ARL5A: variants seen among roughly 807,000 people sequenced by gnomAD.
The protein encoded by ARL5A is ADP-ribosylation factor-like protein 5A.
ARL5A carries 18 observed loss-of-function variants against 25.9 expected under a neutral mutation model. The ratio of observed to expected loss-of-function variants is 0.69; its 90% confidence interval spans 0.48 to 1.03. The LOEUF (loss-of-function observed/expected upper bound fraction) is 1.03. Among genes scored for constraint, ARL5A ranks in the 50% least tolerant of loss-of-function variants. The probability of loss-of-function intolerance (pLI) is 0.00; values close to 1 mark genes in which losing one functional copy is unlikely to be tolerated. For missense variants in ARL5A, 170 were observed against 211.9 expected (o/e 0.80, Z 1.23); for synonymous variants, 61 against 67.5 (o/e 0.90, Z 0.47).
intron 4 of ARL5A, among the ~76,000 whole-genome samples, chr2:151,809,693 T>C (rs912977718): frequency 1.7e-4 from 26 of 152,220 alleles, no homozygotes; most frequent in Non-Finnish European, 4.4e-5. Context: ...TAGTCTAAGA[T>C]ATATTTTAGT....
chr2:151,821,889 G>A (rs950438480), intron 1 of ARL5A, among the ~76,000 whole-genome samples: 22 of 148,130 alleles, frequency 1.5e-4, no homozygotes, highest in South Asian at 6.4e-4. Flanking sequence ...TCGCCCTGTC[G>A]CCCAGGCTGG....
chr2:151,826,725 T>C (rs1044878834), intron 1 of ARL5A, among the ~76,000 whole-genome samples: 2 of 152,210 alleles, frequency 1.3e-5, no homozygotes, highest in Non-Finnish European at 1.5e-5. Context: ...GCTCCACAGA[T>C]CCCTGGTGTT....
At chr2:151,809,718 G>T (rs934382405) in intron 4 of ARL5A, among the ~76,000 whole-genome samples, 3 of 152,192 alleles carry the variant, frequency 2.0e-5, no homozygotes, top group African/African-American at 7.2e-5. Flanking sequence ...TCAAGGAGAT[G>T]AATAACAGCA....
Position 151,799,031 on chromosome 2 carries a change from G to A in ARL5A, c.*4245C>T, listed in dbSNP as rs767099857. On this transcript the variant is annotated 3_prime_UTR_variant, in exon 6 of 6. Transcript: ENST00000295087. ...ATCCTGGAACATTTCTTCACAATCT[G>A]ACAGGACTTTAGGGTTAACTAGAAA... 1.3e-5 allele frequency: 2 copies of A among 152,174 alleles called. No individual in the cohort carries two copies. Among genetic ancestry groups the A allele is most frequent in the African/African-American group, 2.4e-5 (1 of 41,446 alleles). 9.4% of individuals were successfully genotyped at this position (152,174 alleles called of 1,614,324 possible). A position where few individuals can be genotyped will look rare whatever the true frequency, so the allele number is the denominator to read the frequency against.
At chr2:151,812,962 T>G (rs1357839837) in intron 3 of ARL5A, among the ~76,000 whole-genome samples, 1 of 152,160 alleles carries the variant, frequency 6.6e-6, no homozygotes, top group East Asian at 1.9e-4. Flanking sequence ...GCCTGCTACC[T>G]GCAAGCACAA....
At chr2:151,806,566 C>A (rs2099830143) in intron 5 of ARL5A, among the ~76,000 whole-genome samples, 1 of 152,140 alleles carries the variant, frequency 6.6e-6, no homozygotes, top group South Asian at 2.1e-4. Context: ...ACTCCCATTT[C>A]TCTGAGCTCC....
chr2:151,818,964 G>C (rs1226995667), intron 1 of ARL5A, among the ~76,000 whole-genome samples: 1 of 151,856 alleles, frequency 6.6e-6, no homozygotes, highest in Admixed American at 6.6e-5. Context: ...ATTAGCTACG[G>C]GGCAGAATTT....
At chr2:151,807,974 C>T (rs917457306) in intron 4 of ARL5A, among the ~76,000 whole-genome samples, 3 of 152,088 alleles carry the variant, frequency 2.0e-5, no homozygotes, top group African/African-American at 7.2e-5. Flanking sequence ...CTCTTCCTGC[C>T]CCACTCCTCT....
chr2:151,822,066 T>C (rs1441294124), intron 1 of ARL5A, among the ~76,000 whole-genome samples: 3 of 152,066 alleles, frequency 2.0e-5, no homozygotes, highest in Non-Finnish European at 4.4e-5. Context: ...GCCAGGCTGG[T>C]CTTGAACTCC....
At chr2:151,824,503 T>TAATAAC (rs534560146) in intron 1 of ARL5A, among the ~76,000 whole-genome samples, 207 of 152,052 alleles carry the variant, frequency 1.4e-3, no homozygotes, top group African/African-American at 4.7e-3. Context: ...ATAATAATAA[T>TAATAAC]AACAACAATA....
intron 2 of ARL5A, 95 bp from the exon 3 acceptor site, chr2:151,814,411 T>C: frequency 1.1e-6 from 1 of 939,616 alleles, no homozygotes; most frequent in South Asian, 2.0e-5. Flanking sequence ...GACCTCCTTT[T>C]ATAATTTATA....
chr2:151,823,100 A>G (rs907023382), intron 1 of ARL5A, among the ~76,000 whole-genome samples: 1 of 152,218 alleles, frequency 6.6e-6, no homozygotes, highest in Non-Finnish European at 1.5e-5. Flanking sequence ...TTTTTACCTC[A>G]TATCTGAACT....
In ARL5A at chr2:151,828,198, C is replaced by CT. The variant is rs576668357; in HGVS notation, c.-23_-22insA. Reference sequence around the variant, plus strand: ...CCATTCTCGGGCAGCGGACCCCCCCCCTCCAGACACCCGGGCCGCCTGGCT... The same window carrying CT: ...CCATTCTCGGGCAGCGGACCCCCCCCTCTCCAGACACCCGGGCCGCCTGGCT... On this transcript the variant is annotated 5_prime_UTR_variant, in exon 1 of 6. Coordinates refer to ENST00000295087, the MANE Select transcript of ARL5A (RefSeq NM_012097.4). 226 of 1,600,428 alleles carry CT rather than the reference C, an allele frequency of 1.4e-4. 1 individual carries two copies. The highest frequency in any genetic ancestry group is 1.7e-4 in the Non-Finnish European group (201 of 1,172,582).
chr2:151,816,843 C>T (rs567239197), intron 1 of ARL5A, among the ~76,000 whole-genome samples: 2 of 152,250 alleles, frequency 1.3e-5, no homozygotes, highest in South Asian at 2.1e-4. Context: ...CATTCAATAA[C>T]GAGGGTAAAC....
intron 1 of ARL5A, among the ~76,000 whole-genome samples, chr2:151,816,927 T>G (rs1343628602): frequency 6.6e-6 from 1 of 152,224 alleles, no homozygotes; most frequent in East Asian, 1.9e-4. Flanking sequence ...GTCTGTGTAT[T>G]GAGCACATTT....
rs2151290898 is a variant in ARL5A, at chr2:151,803,228, G to A, written c.*48C>T. 7.0e-7 allele frequency: 1 copy of A among 1,421,584 alleles called. No homozygotes were observed. 88.1% of individuals were successfully genotyped at this position (1,421,584 alleles called of 1,614,324 possible). A position where few individuals can be genotyped will look rare whatever the true frequency, so the allele number is the denominator to read the frequency against. ...TTAATTTTTGCAGCTTTCAGGTAAA[G>A]TCCAGCACTTCATTTATACAAAATC... On this transcript the variant is annotated 3_prime_UTR_variant, in exon 6 of 6. Transcript: ENST00000295087.
chr2:151,820,039 G>A (rs1291618321), intron 1 of ARL5A, among the ~76,000 whole-genome samples: 1 of 152,166 alleles, frequency 6.6e-6, no homozygotes, highest in Non-Finnish European at 1.5e-5. Context: ...TGATCACCAA[G>A]GTAAAACTGC....
At chr2:151,814,925 G>T (rs2099831306) in intron 2 of ARL5A, among the ~76,000 whole-genome samples, 2 of 152,004 alleles carry the variant, frequency 1.3e-5, no homozygotes, top group Non-Finnish European at 2.9e-5. Context: ...AAAACAAGTG[G>T]ACAACTCAAT....
intron 1 of ARL5A, among the ~76,000 whole-genome samples, chr2:151,823,028 T>C (rs1376917153): frequency 6.6e-6 from 1 of 152,216 alleles, no homozygotes; most frequent in Non-Finnish European, 1.5e-5. Context: ...CTGTGAATCA[T>C]ACAACATCAG....
Sources: gnomAD v4.1 joint callset for allele counts (sites outside exome capture counted in the v4.1 genomes callset) on GRCh38, gnomAD v4.1.1 for gene constraint, MANE v1.5 for transcripts, NCBI Gene and HGNC (gene_info 2026-07-23, HGNC 2026-07-21) for gene names.